Variants in FHAD1 observed in about 807,000 individuals in gnomAD.
FHAD1 encodes forkhead-associated domain-containing protein 1.
A neutral mutation model predicts 191.3 loss-of-function variants in FHAD1; 146 were observed. The ratio of observed to expected loss-of-function variants is 0.76; its 90% confidence interval spans 0.67 to 0.88. The LOEUF (loss-of-function observed/expected upper bound fraction) is 0.88, where lower values mean the gene tolerates loss of function less well. Ranked by LOEUF, FHAD1 falls within the 40% of genes least tolerant of loss-of-function variation. The pLI is 0.00. For synonymous variants in FHAD1, 616 were observed against 672.3 expected, an observed-to-expected ratio of 0.92 and a Z score of 1.29; for missense variants, 1,635 against 1,785.8, an observed-to-expected ratio of 0.92 and a Z score of 1.52.
At position 15,362,830 on chromosome 1, in the gene FHAD1, A is replaced by C. The variant is rs1429456018; in HGVS notation, c.3047+104A>C. On this transcript the variant is annotated intron_variant, in intron 23 of 33. Transcript: ENST00000688493. Reference sequence around the variant, plus strand: ...TACCTGGGCCACATTGTCAGAAGCCAAACAAGGAGCCGGGCCTGCTGCCTT... The same window carrying C: ...TACCTGGGCCACATTGTCAGAAGCCCAACAAGGAGCCGGGCCTGCTGCCTT... The C allele has an allele frequency of 9.3e-6, 8 of 856,498 alleles. No individual in the cohort carries two copies. In the African/African-American group the frequency reaches 1.2e-4, roughly 13 times the overall value. 53.1% of individuals were successfully genotyped at this position (856,498 alleles called of 1,614,324 possible). A position where few individuals can be genotyped will look rare whatever the true frequency, so the allele number is the denominator to read the frequency against.
chr1:15,372,272 G>A (rs927807759), intron 26 of FHAD1, among the ~76,000 whole-genome samples: 4 of 152,134 alleles, frequency 2.6e-5, no homozygotes, highest in African/African-American at 9.7e-5. Context: ...GCCTCAGACG[G>A]CACTGTTGAA....
At chr1:15,264,042 T>TA (rs1652345488) in intron 2 of FHAD1, among the ~76,000 whole-genome samples, 1 of 152,242 alleles carries the variant, frequency 6.6e-6, no homozygotes, top group Non-Finnish European at 1.5e-5. Context: ...ATCTTTTTAA[T>TA]AACTTTTGAA....
At chr1:15,252,546 G>A (rs982188167) in intron 2 of FHAD1, among the ~76,000 whole-genome samples, 3 of 152,160 alleles carry the variant, frequency 2.0e-5, no homozygotes, top group Admixed American at 6.5e-5. Context: ...AGTCTGGTCC[G>A]GTGTCTGAGC....
At chr1:15,324,625 T>C (rs1677571353) in intron 11 of FHAD1, 66 bp downstream of exon 11, 1 of 1,187,932 alleles carries the variant, frequency 8.4e-7, no homozygotes, top group Non-Finnish European at 1.2e-6. Context: ...AAGCAGCCAG[T>C]GGGGGTGAGA....
At chr1:15,251,681 G>C in intron 1 of FHAD1, 90 bp from the exon 2 acceptor site, 1 of 1,009,446 alleles carries the variant, frequency 9.9e-7, no homozygotes, top group Non-Finnish European at 1.5e-6. Context: ...ACATGACTCT[G>C]TGGTTATTTC....
At position 15,308,672 on chromosome 1, in the gene FHAD1, C is replaced by G; in HGVS notation, c.975C>G (p.Asn325Lys). 6.4e-7 allele frequency: 1 copy of G among 1,551,750 alleles called. No individual in the cohort carries two copies. Among genetic ancestry groups the G allele is most frequent in the East Asian group, 2.4e-5 (1 of 40,920 alleles). ...TGTGCCAGACCCTGTCAGAGCGGAA[C>G]TCAGAAATCACATCCCTGAAGAATG... ...KVLCQTLSER[N>K]SEITSLKNEG... The change falls in exon 7 of 34, where the codon AAC becomes AAG. Residue 325 changes from asparagine to lysine, a missense_variant. Physicochemically the swap from Asn to Lys is moderately conservative, Grantham distance 94. Transcript: ENST00000688493.
Position 15,341,288 on chromosome 1 carries a change from T to C in FHAD1, c.1978-448T>C, listed in dbSNP as rs117124739. Among the ~76,000 whole-genome samples, 5 of 152,340 alleles carry C rather than the reference T, an allele frequency of 3.3e-5. No individual in the cohort carries two copies. The East Asian group carries it at 9.6e-4, about 29-fold the overall frequency. ...TGTCAACCCCTGGTCTAGTCCCTTC[T>C]CCTTATTTTTCAGATAAGGACAATT... On this transcript the variant is annotated intron_variant, in intron 15 of 33. Coordinates refer to ENST00000688493, the MANE Select transcript of FHAD1 (RefSeq NM_001391957.1).
intron 3 of FHAD1, among the ~76,000 whole-genome samples, chr1:15,272,949 A>G (rs1656737665): frequency 6.6e-6 from 1 of 152,200 alleles, no homozygotes; most frequent in Non-Finnish European, 1.5e-5. Context: ...GGCACATGGC[A>G]TCAAGAGAAT....
intron 2 of FHAD1, among the ~76,000 whole-genome samples, chr1:15,268,931 T>A (rs1374381270): frequency 6.6e-6 from 1 of 151,998 alleles, no homozygotes; most frequent in Non-Finnish European, 1.5e-5. Context: ...GAAAATTTTC[T>A]CCCATTTTGT....
chr1:15,293,605 C>T (rs1030009706), intron 4 of FHAD1, among the ~76,000 whole-genome samples: 1 of 152,162 alleles, frequency 6.6e-6, no homozygotes, highest in Non-Finnish European at 1.5e-5. Flanking sequence ...GTAATCCCAG[C>T]TACTCAGGAG....
At chr1:15,401,025 T>C (rs1320642170), downstream of FHAD1, among the ~76,000 whole-genome samples, 1 of 152,240 alleles carries the variant, frequency 6.6e-6, no homozygotes, top group Non-Finnish European at 1.5e-5. Context: ...TGATTCCCAA[T>C]GACTTTCTGA....
At chr1:15,380,141 G>A (rs1006016565) in intron 28 of FHAD1, among the ~76,000 whole-genome samples, 2 of 152,196 alleles carry the variant, frequency 1.3e-5, no homozygotes, top group African/African-American at 2.4e-5. Flanking sequence ...TCTGTGCCAG[G>A]TGCCATGCTG....
chr1:15,289,271 T>G lies in FHAD1; in HGVS notation c.301-128T>G. On this transcript the variant is annotated intron_variant, in intron 3 of 33. Coordinates refer to ENST00000688493, the MANE Select transcript of FHAD1 (RefSeq NM_001391957.1). The surrounding 1 kb of genome is among the most constrained non-coding windows in gnomAD (Gnocchi z 4.2). ...CCAAAGTGTTGGGATTATAGCTGTG[T>G]GCCACCCTGCCCGACCGGAAGTGAC... 1.5e-6 allele frequency: 2 copies of G among 1,298,556 alleles called. No individual in the cohort carries two copies. Among genetic ancestry groups the G allele is most frequent in the Non-Finnish European group, 2.1e-6 (2 of 965,898 alleles). 80.4% of individuals were successfully genotyped at this position (1,298,556 alleles called of 1,614,324 possible).
Position 15,250,535 on chromosome 1 carries a change from C to T in FHAD1, c.-14-1236C>T, listed in dbSNP as rs547472293. 7.6e-4 allele frequency among the ~76,000 whole-genome samples: 116 copies of T among 152,290 alleles called. 1 individual carries two copies. Among genetic ancestry groups the T allele is most frequent in the African/African-American group, 2.7e-3 (114 of 41,546 alleles). On this transcript the variant is annotated intron_variant, in intron 1 of 33. Transcript: ENST00000688493. ...GTAAAATGCTGGGGGGAATACTGTG[C>T]AGGGTCCTGATTACATGGCTGAGCT...
intron 20 of FHAD1, among the ~76,000 whole-genome samples, chr1:15,355,138 G>A (rs536830699): frequency 5.6e-4 from 85 of 152,098 alleles, no homozygotes; most frequent in Admixed American, 2.1e-3. Flanking sequence ...GAACCCGGGA[G>A]GCAGAGGTTG....
At chr1:15,269,915 C>CTTTTTTTTT (rs144971337) in intron 2 of FHAD1, among the ~76,000 whole-genome samples, 2 of 123,088 alleles carry the variant, frequency 1.6e-5, no homozygotes, top group Non-Finnish European at 1.7e-5. Flanking sequence ...TTATGGCTCT[C>CTTTTTTTTT]TTTTTTTTTT....
In FHAD1 at chr1:15,359,746, C is replaced by T. The variant is rs556478559; in HGVS notation, c.2737-732C>T. On this transcript the variant is annotated intron_variant, in intron 21 of 33. Transcript: ENST00000688493. ...CGGGCGGATCATGAGGTCAAGAGAT[C>T]GAGACCATCCTGGCTAACATGATGA... is the stretch of plus-strand genomic sequence containing the variant. Among the ~76,000 whole-genome samples, 124 of 152,032 alleles carry T rather than the reference C, an allele frequency of 8.2e-4. 4 individuals are homozygous for T. The South Asian group carries it at 0.023, about 29-fold the overall frequency.
chr1:15,378,264 G>A (rs908131887), intron 28 of FHAD1, among the ~76,000 whole-genome samples: 2 of 152,080 alleles, frequency 1.3e-5, no homozygotes, highest in African/African-American at 2.4e-5. Flanking sequence ...CAGCCTGGGC[G>A]AAAGAGTGAA....
At chr1:15,333,990 G>A (rs940825345) in intron 14 of FHAD1, among the ~76,000 whole-genome samples, 7 of 151,614 alleles carry the variant, frequency 4.6e-5, no homozygotes, top group Admixed American at 2.6e-4. Flanking sequence ...GTGCCACCAC[G>A]CCACCTAATT....
Sources: allele counts gnomAD v4.1 joint callset (sites outside exome capture counted in the v4.1 genomes callset), GRCh38; gene constraint gnomAD v4.1.1; non-coding constraint Gnocchi (gnomAD v3.1); transcripts MANE v1.5; gene names NCBI Gene and HGNC (gene_info 2026-07-23, HGNC 2026-07-21).